Variants in FRMD6 observed in about 807,000 individuals in gnomAD.
FRMD6 encodes FERM domain-containing protein 6.
A neutral mutation model predicts 73.2 loss-of-function variants in FRMD6; 37 were observed. The ratio of observed to expected loss-of-function variants is 0.51; its 90% CI spans 0.39 to 0.66. FRMD6 has a LOEUF of 0.66. Among genes scored for constraint, FRMD6 ranks in the 30% least tolerant of loss-of-function variants. The probability of loss-of-function intolerance (pLI) is 0.00; values close to 1 mark genes in which losing one functional copy is unlikely to be tolerated. For synonymous variants in FRMD6, 273 were observed against 282.2 expected, an observed-to-expected ratio of 0.97 and a Z score of 0.33; for missense variants, 714 against 780.5, an observed-to-expected ratio of 0.91 and a Z score of 1.02.
chr14:51,551,232 G>A (rs559350190), intron 1 of FRMD6, among the ~76,000 whole-genome samples: 11 of 152,240 alleles, frequency 7.2e-5, no homozygotes, highest in African/African-American at 2.6e-4. Flanking sequence ...GTTTATTCTT[G>A]GGGCACTTCC....
chr14:51,490,097 C>T (rs1343142045), intron 1 of FRMD6, among the ~76,000 whole-genome samples: 1 of 152,138 alleles, frequency 6.6e-6, no homozygotes, highest in Non-Finnish European at 1.5e-5. Context: ...TGAGCTGTTA[C>T]AGAGTTTGTC....
At chr14:51,558,239 T>G (rs973118197) in intron 1 of FRMD6, among the ~76,000 whole-genome samples, 1 of 152,136 alleles carries the variant, frequency 6.6e-6, no homozygotes, top group Admixed American at 6.5e-5. Flanking sequence ...AAGGCTAAGG[T>G]GGCAGATCAC....
chr14:51,683,356 ACTT>A (rs1894935657), intron 1 of FRMD6, among the ~76,000 whole-genome samples: 1 of 151,852 alleles, frequency 6.6e-6, no homozygotes, highest in East Asian at 1.9e-4. Flanking sequence ...TGCAGCAATG[ACTT>A]GAGCCCATCT....
chr14:51,715,532 G>T (rs1174073091), intron 10 of FRMD6, 33 bp downstream of exon 10: 1 of 1,535,108 alleles, frequency 6.5e-7, no homozygotes, highest in Non-Finnish European at 8.8e-7. Flanking sequence ...GAAGCAAATT[G>T]TACCTTTGCC....
chr14:51,528,184 A>G (rs1277089066), intron 1 of FRMD6, among the ~76,000 whole-genome samples: 1 of 152,158 alleles, frequency 6.6e-6, no homozygotes, highest in Non-Finnish European at 1.5e-5. Flanking sequence ...AAGCAGACTC[A>G]GCTCAGTGGC....
At chr14:51,629,941 T>C (rs1010238709) in intron 2 of FRMD6, among the ~76,000 whole-genome samples, 2 of 152,220 alleles carry the variant, frequency 1.3e-5, no homozygotes, top group African/African-American at 4.8e-5. Flanking sequence ...GTTAAGCTGC[T>C]GTTGCTGCTT....
the FRMD6 span, among the ~76,000 whole-genome samples, chr14:51,414,623 T>A: frequency 4.6e-5 from 7 of 152,314 alleles, no homozygotes; most frequent in South Asian, 2.1e-4. Flanking sequence ...CTTAGGATTG[T>A]CTTGGCAATG....
At chr14:51,507,965 G>A (rs1884069127) in intron 1 of FRMD6, among the ~76,000 whole-genome samples, 1 of 152,160 alleles carries the variant, frequency 6.6e-6, no homozygotes, top group South Asian at 2.1e-4. Flanking sequence ...CGGGCAGCTT[G>A]AAATGGCATG....
At chr14:51,478,055 T>A in the FRMD6 span, among the ~76,000 whole-genome samples, 3 of 152,204 alleles carry the variant, frequency 2.0e-5, no homozygotes, top group Non-Finnish European at 4.4e-5. Context: ...TTCTATAGCA[T>A]GTTATATGAC....
the FRMD6 span, among the ~76,000 whole-genome samples, chr14:51,461,733 C>T: frequency 6.6e-6 from 1 of 152,180 alleles, no homozygotes; most frequent in Non-Finnish European, 1.5e-5. Context: ...AAGAATCAAG[C>T]AATTTTCTTT....
chr14:51,711,214 T>C (rs374695944), intron 7 of FRMD6, among the ~76,000 whole-genome samples: 2 of 152,232 alleles, frequency 1.3e-5, no homozygotes, highest in South Asian at 4.1e-4. Context: ...ATAGCCTTGT[T>C]AACTGGAGTT....
intron 2 of FRMD6, among the ~76,000 whole-genome samples, chr14:51,585,979 C>A (rs1261970304): frequency 5.2e-5 from 3 of 57,782 alleles, no homozygotes; most frequent in Middle Eastern, 0.01. Flanking sequence ...CTTTATCAAA[C>A]CTTTGTTGAT....
At chr14:51,617,763 A>G (rs1453985834) in intron 2 of FRMD6, among the ~76,000 whole-genome samples, 3 of 152,094 alleles carry the variant, frequency 2.0e-5, no homozygotes, top group Admixed American at 6.5e-5. Flanking sequence ...TCAGCTCTGA[A>G]CTCAAGGAAC....
chr14:51,551,806 CATATA>C (rs1433644706), intron 1 of FRMD6, among the ~76,000 whole-genome samples: 3 of 151,470 alleles, frequency 2.0e-5, no homozygotes, highest in Non-Finnish European at 4.4e-5. Context: ...CAAATAAATG[CATATA>C]ATATAAAATG....
chr14:51,461,840 C>G, the FRMD6 span, among the ~76,000 whole-genome samples: 7 of 152,374 alleles, frequency 4.6e-5, no homozygotes, highest in Non-Finnish European at 1.0e-4. Context: ...CTACATGTTA[C>G]TAGCCAGCTG....
intron 1 of FRMD6, among the ~76,000 whole-genome samples, chr14:51,509,254 T>C (rs1419703697): frequency 1.3e-5 from 2 of 152,188 alleles, no homozygotes; most frequent in African/African-American, 2.4e-5. Flanking sequence ...CCAGGTGCAG[T>C]GGCTCACGCC....
chr14:51,583,913 A>G (rs954519171), intron 2 of FRMD6, among the ~76,000 whole-genome samples: 1 of 152,200 alleles, frequency 6.6e-6, no homozygotes, highest in Admixed American at 6.5e-5. Context: ...TTAGAAATGA[A>G]TAAGGCATGA....
chr14:51,626,205 T>C (rs1427096311), intron 2 of FRMD6, among the ~76,000 whole-genome samples: 1 of 152,190 alleles, frequency 6.6e-6, no homozygotes, highest in Non-Finnish European at 1.5e-5. Flanking sequence ...CCATGATCCA[T>C]AGCAAACTAT....
At chr14:51,559,175 C>G (rs1017781277) in intron 1 of FRMD6, among the ~76,000 whole-genome samples, 16 of 152,206 alleles carry the variant, frequency 1.1e-4, no homozygotes, top group African/African-American at 3.4e-4. Flanking sequence ...GATTTGGTAC[C>G]TATTCTCTGA....
Sources: allele counts gnomAD v4.1 joint callset (sites outside exome capture counted in the v4.1 genomes callset), GRCh38; gene constraint gnomAD v4.1.1; transcripts MANE v1.5; gene names NCBI Gene and HGNC (gene_info 2026-07-23, HGNC 2026-07-21).